The following FLVCR2 variants were observed in gnomAD, a reference collection of about 807,000 sequenced individuals.
FLVCR2 encodes the protein choline/ethanolamine transporter FLVCR2.
FLVCR2 carries 38 observed loss-of-function variants against 48.9 expected under a neutral mutation model. That is an observed-to-expected ratio of 0.78 (90% CI 0.60 to 1.02). The LOEUF is 1.02. Ranked by LOEUF, FLVCR2 falls within the 50% of genes least tolerant of loss-of-function variation. The probability of loss-of-function intolerance (pLI) is 0.00; values close to 1 mark genes in which losing one functional copy is unlikely to be tolerated. For missense variants in FLVCR2, 664 were observed against 663.3 expected (o/e 1.00, Z -0.01); for synonymous variants, 255 against 257.0 (o/e 0.99, Z 0.07).
Position 75,624,610 on chromosome 14 carries a change from AGT to A in FLVCR2, c.813_814del (p.Phe272GlnfsTer5). 6.2e-7 allele frequency: 1 copy of A among 1,613,902 alleles called. No individual in the cohort carries two copies. On this transcript the variant is annotated splice_acceptor_variant and coding_sequence_variant, in exon 3 of 10. Coordinates refer to ENST00000238667, the MANE Select transcript of FLVCR2 (RefSeq NM_017791.3). LOFTEE classifies it high-confidence loss of function. ...CAGCCATCTCTGTTTTTTTCCTTTCAGTGTTCAAGGAGAAACCTAAATATCCC... is the reference window on the plus strand; with the variant it reads ...CAGCCATCTCTGTTTTTTTCCTTTCAGTTCAAGGAGAAACCTAAATATCCC...
chr14:75,591,757 C>T (rs1204124709), intron 1 of FLVCR2, among the ~76,000 whole-genome samples: 1 of 150,352 alleles, frequency 6.7e-6, no homozygotes, highest in Non-Finnish European at 1.5e-5. Context: ...GGCTCCCCCA[C>T]ATGGCAGGTT....
chr14:75,588,411 C>T (rs1888800854), intron 1 of FLVCR2, among the ~76,000 whole-genome samples: 1 of 152,172 alleles, frequency 6.6e-6, no homozygotes, highest in African/African-American at 2.4e-5. Flanking sequence ...GACTTAATCA[C>T]CTCTTAAAGG....
intron 3 of FLVCR2, among the ~76,000 whole-genome samples, chr14:75,625,513 C>T (rs1273107307): frequency 6.6e-6 from 1 of 151,926 alleles, no homozygotes. Flanking sequence ...CAGATGAATG[C>T]CAGTCTATTA....
rs1181215511 is a variant in FLVCR2, at chr14:75,579,118, C to T, written c.146C>T (p.Pro49Leu). 2 of 1,614,142 alleles carry T rather than the reference C, an allele frequency of 1.2e-6. No homozygotes were observed. The highest frequency in any genetic ancestry group is 3.3e-5 in the Admixed American group (2 of 60,030). The stretch of plus-strand genomic sequence containing the variant: ...ATCAACCCCAGCGTCTCTGTCCACC[C>T]CAGCAGTTCGGCCCACCCCAGTGCC... ...VSINPSVSVH[P>L]SSSAHPSALA... The change falls in exon 1 of 10, where the codon CCC becomes CTC. Residue 49 changes from proline to leucine, a missense_variant. By Grantham distance (98) the Pro-to-Leu change is moderately conservative. Coordinates refer to ENST00000238667, the MANE Select transcript of FLVCR2 (RefSeq NM_017791.3).
At chr14:75,621,655 C>T (rs964649748) in intron 1 of FLVCR2, among the ~76,000 whole-genome samples, 1 of 152,140 alleles carries the variant, frequency 6.6e-6, no homozygotes, top group Non-Finnish European at 1.5e-5. Flanking sequence ...CTTGGGCTTG[C>T]AGGGTATAGA....
intron 4 of FLVCR2, 105 bp from the exon 5 acceptor site, chr14:75,634,805 T>A: frequency 1.3e-6 from 1 of 748,402 alleles, no homozygotes; most frequent in Non-Finnish European, 2.4e-6. Flanking sequence ...TTGACTCTGA[T>A]GGAGCTTGAG....
chr14:75,616,486 C>CAT (rs1184920174), intron 1 of FLVCR2, among the ~76,000 whole-genome samples: 1 of 152,048 alleles, frequency 6.6e-6, no homozygotes, highest in Non-Finnish European at 1.5e-5. Flanking sequence ...GGGATACATA[C>CAT]ATATATATAT....
Position 75,578,823 on chromosome 14 carries a change from C to G in FLVCR2, c.-150C>G. On this transcript the variant is annotated 5_prime_UTR_variant, in exon 1 of 10. Transcript: ENST00000238667. ...AGCTTGGAGGTGAGCACAGGAAGCC[C>G]CACTTGAGGCTTTTACGCAGCCTCT... The G allele has an allele frequency of 1.4e-6, 1 of 738,710 alleles. No homozygotes were observed. Among genetic ancestry groups the G allele is most frequent in the African/African-American group, 1.8e-5 (1 of 56,486 alleles). 45.8% of individuals were successfully genotyped at this position (738,710 alleles called of 1,614,324 possible). A position where few individuals can be genotyped will look rare whatever the true frequency, so the allele number is the denominator to read the frequency against.
intron 1 of FLVCR2, among the ~76,000 whole-genome samples, chr14:75,606,373 G>A (rs74505839): frequency 0.03 from 4,630 of 152,222 alleles, 238 homozygotes; most frequent in African/African-American, 0.11. Flanking sequence ...GTTTGTTTGG[G>A]CTAGTAGCTG....
Position 75,624,885 on chromosome 14 carries a change from G to A in FLVCR2, c.952+133G>A, listed in dbSNP as rs372874633. 7.3e-6 allele frequency: 8 copies of A among 1,100,390 alleles called. No individual in the cohort carries two copies. The African/African-American group carries it at 1.1e-4, about 15-fold the overall frequency. The allele number at this position is 1,100,390 out of a possible 1,614,324, so 68.2% of individuals were successfully genotyped here. A position where few individuals can be genotyped will look rare whatever the true frequency, so the allele number is the denominator to read the frequency against. ...GCTGTTGTCTAGGGTCAATCCAGAG[G>A]ACCCAGCTATGCCCAAGGGCCTTTG... On this transcript the variant is annotated intron_variant, in intron 3 of 9. Transcript: ENST00000238667.
intron 5 of FLVCR2, among the ~76,000 whole-genome samples, chr14:75,637,441 T>C (rs535186490): frequency 2.1e-4 from 32 of 152,010 alleles, no homozygotes; most frequent in Non-Finnish European, 4.6e-4. Flanking sequence ...GCTTTAAAGA[T>C]TTTGGCCAGG....
chr14:75,590,190 G>A (rs927063472), intron 1 of FLVCR2, among the ~76,000 whole-genome samples: 16 of 152,124 alleles, frequency 1.1e-4, no homozygotes, highest in African/African-American at 3.9e-4. Flanking sequence ...ACTCTCTTAG[G>A]AACTAATCCA....
At chr14:75,636,922 C>T (rs767027518) in intron 5 of FLVCR2, among the ~76,000 whole-genome samples, 6 of 152,150 alleles carry the variant, frequency 3.9e-5, no homozygotes, top group East Asian at 1.9e-4. Flanking sequence ...GTGGGATCAT[C>T]GGGCAAGACT....
intron 3 of FLVCR2, among the ~76,000 whole-genome samples, chr14:75,627,623 C>T (rs1018221970): frequency 1.3e-5 from 2 of 152,230 alleles, no homozygotes; most frequent in African/African-American, 4.8e-5. Flanking sequence ...CCTAGCAGGT[C>T]CCCGGAAAAG....
chr14:75,640,847 G>A (rs968738538), intron 6 of FLVCR2, 108 bp from the exon 7 acceptor site: 5 of 796,940 alleles, frequency 6.3e-6, no homozygotes, highest in South Asian at 5.6e-5. Context: ...GTATGTCTTG[G>A]TGGGAAGAAA....
intron 1 of FLVCR2, among the ~76,000 whole-genome samples, chr14:75,597,336 G>A (rs547009970): frequency 2.0e-5 from 3 of 151,986 alleles, no homozygotes; most frequent in Non-Finnish European, 4.4e-5. Flanking sequence ...TCTGGGAAAG[G>A]TTGCATGGAA....
intron 1 of FLVCR2, among the ~76,000 whole-genome samples, chr14:75,585,121 G>C (rs1888711905): frequency 6.6e-6 from 1 of 152,176 alleles, no homozygotes; most frequent in African/African-American, 2.4e-5. Context: ...GAGATCAGAT[G>C]AGTCTGTAGA....
chr14:75,635,128 A>G, intron 5 of FLVCR2, 115 bp downstream of exon 5: 1 of 751,188 alleles, frequency 1.3e-6, no homozygotes, highest in Non-Finnish European at 2.4e-6. Flanking sequence ...CAAGCAGGTC[A>G]TTCAAGTTTG....
intron 1 of FLVCR2, among the ~76,000 whole-genome samples, chr14:75,589,595 G>C (rs879909185): frequency 6.6e-6 from 1 of 152,136 alleles, no homozygotes. Context: ...CTTGGTGATA[G>C]CCACACTTCC....
Sources: allele counts gnomAD v4.1 joint callset (sites outside exome capture counted in the v4.1 genomes callset), GRCh38; gene constraint gnomAD v4.1.1; transcripts MANE v1.5; gene names NCBI Gene and HGNC (gene_info 2026-07-23, HGNC 2026-07-21).